The following PIEZO2 variants were observed in gnomAD, a reference collection of about 807,000 sequenced individuals.
PIEZO2 encodes the protein piezo type mechanosensitive ion channel component 2.
Under a neutral mutation model 337.3 loss-of-function variants are expected in PIEZO2, and 172 were observed. The ratio of observed to expected loss-of-function variants is 0.51; its 90% CI spans 0.45 to 0.58. PIEZO2 has a LOEUF of 0.58. Among genes scored for constraint, PIEZO2 ranks in the 20% least tolerant of loss-of-function variants. The probability of loss-of-function intolerance (pLI) is 0.00; values close to 1 mark genes in which losing one functional copy is unlikely to be tolerated. For missense variants in PIEZO2, 3,028 were observed against 3,391.3 expected, an observed-to-expected ratio of 0.89 and a Z score of 2.66; for synonymous variants, 1,251 against 1,228.5, an observed-to-expected ratio of 1.02 and a Z score of -0.38.
rs540277493 is a variant in PIEZO2, at chr18:10,673,189, A to G, written c.8162-316T>C. Among the ~76,000 whole-genome samples, 34 of 152,376 alleles carry G rather than the reference A, an allele frequency of 2.2e-4. No individual in the cohort carries two copies. The highest frequency in any genetic ancestry group is 2.1e-3 in the South Asian group (10 of 4,824). Reference sequence around the variant, plus strand: ...ATCCCAAATGACTCTGTAGACATTTAAAAACCCAAATTTCTGACTTGTGAT... The same window carrying G: ...ATCCCAAATGACTCTGTAGACATTTGAAAACCCAAATTTCTGACTTGTGAT... On this transcript the variant is annotated intron_variant, in intron 54 of 55. Transcript: ENST00000674853. This position sits in a 1 kb window ranked among gnomAD's most constrained non-coding sequence, Gnocchi z 4.8.
intron 2 of PIEZO2, among the ~76,000 whole-genome samples, chr18:11,053,844 C>T (rs2037618725): frequency 6.6e-6 from 1 of 151,806 alleles, no homozygotes; most frequent in African/African-American, 2.4e-5. Flanking sequence ...GGTAAAACCC[C>T]GTCTCTACTA....
At chr18:10,842,807 T>A (rs1275740352) in intron 7 of PIEZO2, among the ~76,000 whole-genome samples, 3 of 152,268 alleles carry the variant, frequency 2.0e-5, no homozygotes, top group African/African-American at 7.2e-5. Flanking sequence ...GTTTACTGCA[T>A]ATTATTTATA....
In PIEZO2 at chr18:10,726,582, C is replaced by A. The variant is rs2036553009; in HGVS notation, c.5029+4825G>T. The A allele has an allele frequency of 7.1e-7, 1 of 1,407,550 alleles. No homozygotes were observed. The highest frequency in any genetic ancestry group is 9.4e-7 in the Non-Finnish European group (1 of 1,058,742). 87.2% of individuals were successfully genotyped at this position (1,407,550 alleles called of 1,614,324 possible). A position where few individuals can be genotyped will look rare whatever the true frequency, so the allele number is the denominator to read the frequency against. ...CTGTGCGTCTGTCCTTCCGCCAGCT[C>A]TTCCAGGACCTGGCGCGCTACGTGC... On this transcript the variant is annotated intron_variant, in intron 36 of 55. Coordinates refer to ENST00000674853, the MANE Select transcript of PIEZO2 (RefSeq NM_001378183.1). This position sits in a 1 kb window ranked among gnomAD's most constrained non-coding sequence, Gnocchi z 5.9.
At chr18:10,958,602 T>C (rs1028799710) in intron 3 of PIEZO2, among the ~76,000 whole-genome samples, 2 of 152,222 alleles carry the variant, frequency 1.3e-5, no homozygotes, top group African/African-American at 4.8e-5. Context: ...TGATTAAGTC[T>C]TTCTACAAGG....
chr18:11,109,478 G>A lies in PIEZO2; in HGVS notation c.64+39047C>T, dbSNP rs924299610. Among the ~76,000 whole-genome samples, 9 of 152,190 alleles carry A rather than the reference G, an allele frequency of 5.9e-5. No homozygotes were observed. Among genetic ancestry groups the A allele is most frequent in the Non-Finnish European group, 1.5e-5 (1 of 68,028 alleles). On this transcript the variant is annotated intron_variant, in intron 1 of 55. Transcript: ENST00000674853. The surrounding 1 kb of genome is among the most constrained non-coding windows in gnomAD (Gnocchi z 5.1). The stretch of plus-strand genomic sequence containing the variant: ...TGTCTGTAATCCCAGCACTTTGGGA[G>A]GCCGAGGTGGGTGGATCACTTGAGG...
intron 3 of PIEZO2, among the ~76,000 whole-genome samples, chr18:10,933,607 C>T (rs2032215015): frequency 6.6e-6 from 1 of 152,140 alleles, no homozygotes. Context: ...CAGACACTTG[C>T]TGGAGGAATT....
chr18:10,762,651 A>G (rs2038185591), intron 22 of PIEZO2, 26 bp from the exon 23 acceptor site: 1 of 1,532,994 alleles, frequency 6.5e-7, no homozygotes, highest in South Asian at 1.2e-5. Context: ...AATGGAGTAA[A>G]AAAAAATAGC....
chr18:11,114,828 T>A (rs1835082530), intron 1 of PIEZO2, among the ~76,000 whole-genome samples: 1 of 152,064 alleles, frequency 6.6e-6, no homozygotes, highest in East Asian at 1.9e-4. Context: ...GGCTTCTGAA[T>A]CATCAAATAA....
At chr18:11,008,317 C>T (rs749969060) in intron 2 of PIEZO2, among the ~76,000 whole-genome samples, 1 of 152,138 alleles carries the variant, frequency 6.6e-6, no homozygotes, top group Non-Finnish European at 1.5e-5. Flanking sequence ...GAAAATAGGC[C>T]CATGACACCG....
intron 5 of PIEZO2, among the ~76,000 whole-genome samples, chr18:10,866,931 T>C (rs2042022453): frequency 6.6e-6 from 1 of 152,130 alleles, no homozygotes; most frequent in Non-Finnish European, 1.5e-5. Context: ...GTCCGACATT[T>C]TGAGGTATGT....
rs1555645292 is a variant in PIEZO2 at position 10,781,473 on chromosome 18, T to TTA, written c.2493-1108_2493-1107insTA. On this transcript the variant is annotated intron_variant, in intron 17 of 55. Transcript: ENST00000674853. This position sits in a 1 kb window ranked among gnomAD's most constrained non-coding sequence, Gnocchi z 4.1. ...CAACAGAGCGAGACTCCGTTTCAAA[T>TTA]AAAAAAAAAAACCAGTAATGAATAT... Among the ~76,000 whole-genome samples, 18 of 114,616 alleles carry TTA rather than the reference T, an allele frequency of 1.6e-4. No individual in the cohort carries two copies. Among genetic ancestry groups the TTA allele is most frequent in the South Asian group, 1.4e-3 (5 of 3,494 alleles). 75.2% of individuals were successfully genotyped at this position (114,616 alleles called of 152,430 possible).
intron 2 of PIEZO2, among the ~76,000 whole-genome samples, chr18:11,024,602 A>G (rs1173920978): frequency 6.6e-6 from 1 of 151,410 alleles, no homozygotes; most frequent in Non-Finnish European, 1.5e-5. Context: ...GGAGAGGGGA[A>G]GGGAAGATAA....
At position 11,146,333 on chromosome 18, in the gene PIEZO2, T is replaced by C. The variant is rs8096811; in HGVS notation, c.64+2192A>G. Among the ~76,000 whole-genome samples, 124,984 of 152,186 alleles carry C rather than the reference T, an allele frequency of 0.82. 51,482 individuals are homozygous for C. The highest frequency in any genetic ancestry group is 0.9 in the East Asian group (4,627 of 5,142). On this transcript the variant is annotated intron_variant, in intron 1 of 55. Coordinates refer to ENST00000674853, the MANE Select transcript of PIEZO2 (RefSeq NM_001378183.1). The surrounding 1 kb of genome is among the most constrained non-coding windows in gnomAD (Gnocchi z 6.1). ...GGCAGCGGGAGCCCCCAGCCTGCCC[T>C]GGGGCACAAGCCAGCCAGCAGGAGG...
rs1198106546 is a variant in PIEZO2 at position 10,775,019 on chromosome 18, G to A, written c.2535-981C>T. Reference sequence around the variant, plus strand: ...ATGCCTATCATTTTGGGTAACTGTCGTAAGGAATCCACATTGTCCCTACGC... The same window carrying A: ...ATGCCTATCATTTTGGGTAACTGTCATAAGGAATCCACATTGTCCCTACGC... On this transcript the variant is annotated intron_variant, in intron 18 of 55. Coordinates refer to ENST00000674853, the MANE Select transcript of PIEZO2 (RefSeq NM_001378183.1). The surrounding 1 kb of genome is among the most constrained non-coding windows in gnomAD (Gnocchi z 4.3). Among the ~76,000 whole-genome samples the A allele has an allele frequency of 1.3e-5, 2 of 152,140 alleles. No homozygotes were observed. Among genetic ancestry groups the A allele is most frequent in the Non-Finnish European group, 2.9e-5 (2 of 68,030 alleles).
chr18:10,959,730 A>G (rs555567950), intron 3 of PIEZO2, among the ~76,000 whole-genome samples: 1 of 152,294 alleles, frequency 6.6e-6, no homozygotes, highest in African/African-American at 2.4e-5. Flanking sequence ...AGACCTAGAC[A>G]AAATTTATGG....
At chr18:11,004,574 A>G (rs976668582) in intron 2 of PIEZO2, among the ~76,000 whole-genome samples, 3 of 152,334 alleles carry the variant, frequency 2.0e-5, no homozygotes, top group Admixed American at 1.3e-4. Context: ...ACGGATAAGG[A>G]AGGGAGAAAA....
chr18:10,687,838 T>C (rs772866116), intron 49 of PIEZO2, among the ~76,000 whole-genome samples: 3 of 152,106 alleles, frequency 2.0e-5, no homozygotes, highest in African/African-American at 7.2e-5. Flanking sequence ...GGTGTCTGAG[T>C]GACACCATCG....
At chr18:11,051,338 A>T (rs1598884549) in intron 2 of PIEZO2, among the ~76,000 whole-genome samples, 1 of 91,910 alleles carries the variant, frequency 1.1e-5, no homozygotes, top group East Asian at 2.5e-4. Flanking sequence ...AGCAACCATC[A>T]CTTAGGATGT....
At chr18:10,701,501 T>C (rs2035329910) in intron 43 of PIEZO2, among the ~76,000 whole-genome samples, 1 of 152,224 alleles carries the variant, frequency 6.6e-6, no homozygotes, top group Non-Finnish European at 1.5e-5. Context: ...CAACAGCTAG[T>C]GGTTTCATGA....
Sources: allele counts gnomAD v4.1 joint callset (sites outside exome capture counted in the v4.1 genomes callset), GRCh38; gene constraint gnomAD v4.1.1; non-coding constraint Gnocchi (gnomAD v3.1); transcripts MANE v1.5; gene names NCBI Gene and HGNC (gene_info 2026-07-23, HGNC 2026-07-21).